CLMN: variants seen among roughly 807,000 people sequenced by gnomAD.
The protein encoded by CLMN is calmin (calponin-like, transmembrane).
CLMN carries 57 observed loss-of-function variants against 92.7 expected under a neutral mutation model. The observed-to-expected ratio is 0.61, with a 90% CI of 0.50 to 0.77. The LOEUF (loss-of-function observed/expected upper bound fraction) is 0.77, where lower values mean the gene tolerates loss of function less well. CLMN is among the 30% of genes least tolerant of loss of function. The pLI is 0.00. For missense variants in CLMN, 1,158 were observed against 1,237.5 expected (o/e 0.94, Z 0.96); for synonymous variants, 466 against 470.6 (o/e 0.99, Z 0.13).
chr14:95,256,167 G>A lies in CLMN; in HGVS notation c.83-26034C>T, dbSNP rs1437093198. Among the ~76,000 whole-genome samples, 1 of 152,114 alleles carries A rather than the reference G, an allele frequency of 6.6e-6. No individual in the cohort carries two copies. The highest frequency in any genetic ancestry group is 1.5e-5 in the Non-Finnish European group (1 of 68,026). ...GGTAGTTACATGGGTGGGCATATGG[G>A]GTACAATGCCCCCACACTGTCCTCG... On this transcript the variant is annotated intron_variant, in intron 1 of 12. Coordinates refer to ENST00000298912, the MANE Select transcript of CLMN (RefSeq NM_024734.4). This position sits in a 1 kb window ranked among gnomAD's most constrained non-coding sequence, Gnocchi z 4.9.
chr14:95,198,354 T>TA (rs1896783261), intron 9 of CLMN, among the ~76,000 whole-genome samples: 1 of 151,356 alleles, frequency 6.6e-6, no homozygotes, highest in Non-Finnish European at 1.5e-5. Flanking sequence ...CTGGCCTCTT[T>TA]TTTTTTTTTA....
intron 1 of CLMN, among the ~76,000 whole-genome samples, chr14:95,269,998 G>T (rs569475324): frequency 2.1e-4 from 32 of 151,868 alleles, no homozygotes; most frequent in Non-Finnish European, 3.7e-4. Flanking sequence ...CTCAGCTAGC[G>T]TTCCCTTAAC....
intron 9 of CLMN, among the ~76,000 whole-genome samples, chr14:95,198,428 C>T (rs1004115316): frequency 1.3e-5 from 2 of 151,922 alleles, no homozygotes; most frequent in African/African-American, 4.8e-5. Context: ...ACCCAAGACT[C>T]CCAGACCTCA....
intron 1 of CLMN, among the ~76,000 whole-genome samples, chr14:95,269,814 A>G (rs1899633933): frequency 1.3e-5 from 2 of 152,162 alleles, no homozygotes; most frequent in South Asian, 4.1e-4. Flanking sequence ...GGACACTGGA[A>G]TGGGAGGTAA....
chr14:95,192,519 G>A (rs1185608213), intron 12 of CLMN: 3 of 152,174 alleles, frequency 2.0e-5, no homozygotes, highest in South Asian at 4.1e-4. Flanking sequence ...TGGAGATTAC[G>A]AGAGGCTAAA....
intron 1 of CLMN, chr14:95,296,362 A>G (rs918086746): frequency 2.0e-5 from 3 of 152,254 alleles, no homozygotes; most frequent in African/African-American, 7.2e-5. Flanking sequence ...AGACTGATCA[A>G]AAGCCCTGCT....
At chr14:95,319,623 G>A in intron 1 of CLMN, 88 bp downstream of exon 1, 1 of 1,063,122 alleles carries the variant, frequency 9.4e-7, no homozygotes, top group Non-Finnish European at 1.3e-6. Context: ...GCGAGCGGGG[G>A]CGGCGCGGGG....
chr14:95,205,737 T>C (rs1388771634), intron 8 of CLMN, among the ~76,000 whole-genome samples: 1 of 152,104 alleles, frequency 6.6e-6, no homozygotes, highest in East Asian at 1.9e-4. Flanking sequence ...TGAAGTAGTA[T>C]ATTAATTTAA....
chr14:95,299,882 C>A (rs1159295416), intron 1 of CLMN, among the ~76,000 whole-genome samples: 3 of 152,202 alleles, frequency 2.0e-5, no homozygotes, highest in Non-Finnish European at 1.5e-5. Context: ...TGTTAAGTGC[C>A]AAGTGACAGG....
intron 1 of CLMN, among the ~76,000 whole-genome samples, chr14:95,275,151 G>C (rs1194433986): frequency 6.6e-6 from 1 of 152,142 alleles, no homozygotes; most frequent in East Asian, 1.9e-4. Flanking sequence ...TATGAAGACA[G>C]ATGTCAGAGG....
At chr14:95,315,897 G>A (rs367702145) in intron 1 of CLMN, among the ~76,000 whole-genome samples, 159 of 152,330 alleles carry the variant, frequency 1.0e-3, no homozygotes, top group African/African-American at 3.6e-3. Flanking sequence ...CTACGTGCTC[G>A]ACACACATGT....
chr14:95,232,806 A>G (rs906592748), intron 1 of CLMN, among the ~76,000 whole-genome samples: 1 of 152,164 alleles, frequency 6.6e-6, no homozygotes, highest in Non-Finnish European at 1.5e-5. Context: ...GATCCACTTT[A>G]TTCTCTCTGA....
At chr14:95,245,225 T>TAA (rs1491192837) in intron 1 of CLMN, among the ~76,000 whole-genome samples, 4 of 24,350 alleles carry the variant, frequency 1.6e-4, no homozygotes, top group African/African-American at 2.7e-4. Flanking sequence ...TATATATATA[T>TAA]TATATATATA....
In CLMN at chr14:95,182,759, T is replaced by C. The variant is rs1896358066; in HGVS notation, c.*8805A>G. On this transcript the variant is annotated 3_prime_UTR_variant, in exon 13 of 13. Coordinates refer to ENST00000298912, the MANE Select transcript of CLMN (RefSeq NM_024734.4). ...AGATCTAGTCCTGTACAGCTATTTA[T>C]TCCTGCAGTTGAACTTTTGAATTTA... 6.6e-6 allele frequency: 1 copy of C among 151,208 alleles called. No individual in the cohort carries two copies. The highest frequency in any genetic ancestry group is 1.9e-4 in the East Asian group (1 of 5,200). The allele number at this position is 151,208 out of a possible 1,614,324, so 9.4% of individuals were successfully genotyped here.
At chr14:95,301,877 G>A (rs935583382) in intron 1 of CLMN, among the ~76,000 whole-genome samples, 1 of 152,174 alleles carries the variant, frequency 6.6e-6, no homozygotes, top group African/African-American at 2.4e-5. Flanking sequence ...CTACTGCTGT[G>A]TACTCTCCAC....
At chr14:95,206,073 A>T (rs2140581346) in intron 8 of CLMN, among the ~76,000 whole-genome samples, 1 of 152,358 alleles carries the variant, frequency 6.6e-6, no homozygotes, top group South Asian at 2.1e-4. Context: ...AAGTGTACAT[A>T]CACTGAAAGG....
chr14:95,237,988 A>G lies in CLMN; in HGVS notation c.83-7855T>C, dbSNP rs188253266. ...GAGCCCCTGTGGATCTTTAAACCAGATGAAAAAACATCTTTCCTCTCTTGA... is the reference window on the plus strand; with the variant it reads ...GAGCCCCTGTGGATCTTTAAACCAGGTGAAAAAACATCTTTCCTCTCTTGA... On this transcript the variant is annotated intron_variant, in intron 1 of 12. Coordinates refer to ENST00000298912, the MANE Select transcript of CLMN (RefSeq NM_024734.4). Among the ~76,000 whole-genome samples the G allele has an allele frequency of 3.0e-4, 45 of 152,292 alleles. 1 individual carries two copies. The highest frequency in any genetic ancestry group is 5.6e-4 in the Non-Finnish European group (38 of 68,022).
chr14:95,245,197 AT>A, intron 1 of CLMN, among the ~76,000 whole-genome samples: 334 of 33,308 alleles, frequency 0.01, 61 homozygotes, highest in African/African-American at 0.043. Flanking sequence ...TATATATAAT[AT>A]ATATATATAT....
At chr14:95,296,068 G>C (rs1900798413) in intron 1 of CLMN, 2 of 152,262 alleles carry the variant, frequency 1.3e-5, no homozygotes, top group Non-Finnish European at 2.9e-5. Context: ...GTCTTAGTCT[G>C]TTTTATGCTG....
Sources: allele counts gnomAD v4.1 joint callset (sites outside exome capture counted in the v4.1 genomes callset), GRCh38; gene constraint gnomAD v4.1.1; non-coding constraint Gnocchi (gnomAD v3.1); transcripts MANE v1.5; gene names NCBI Gene and HGNC (gene_info 2026-07-23, HGNC 2026-07-21).